MET: variants seen among roughly 807,000 people sequenced by gnomAD.
MET encodes the protein MET proto-oncogene, receptor tyrosine kinase, also known as hepatocyte growth factor receptor.
Under a neutral mutation model 133.1 loss-of-function variants are expected in MET, and 48 were observed. That is an observed-to-expected ratio of 0.36 (90% CI 0.29 to 0.46). The LOEUF (loss-of-function observed/expected upper bound fraction) is 0.46. Among genes scored for constraint, MET ranks in the 20% least tolerant of loss-of-function variants. MET has a pLI of 1.00. For missense variants in MET, 1,442 were observed against 1,695.9 expected, an observed-to-expected ratio of 0.85 and a Z score of 2.63; for synonymous variants, 628 against 616.5, an observed-to-expected ratio of 1.02 and a Z score of -0.28.
intron 19 of MET, among the ~76,000 whole-genome samples, chr7:116,785,390 G>A (rs1795281406): frequency 6.6e-6 from 1 of 152,190 alleles, no homozygotes; most frequent in South Asian, 2.1e-4. Flanking sequence ...ATCTTGCATG[G>A]CAGGAGCAGG....
At position 116,759,454 on chromosome 7, in the gene MET, C is replaced by A. The variant is rs1794311792; in HGVS notation, c.2328C>A (p.Val776=). The A allele has an allele frequency of 1.2e-6, 2 of 1,613,702 alleles. No individual in the cohort carries two copies. The highest frequency in any genetic ancestry group is 2.2e-5 in the South Asian group (2 of 91,008). Residue 776 remains valine (V), a synonymous_variant, in exon 10 of 21, where the codon GTC becomes GTA. Transcript: ENST00000397752. ...ATTCAGTTAGTGTCCCGAGAATGGT[C>A]ATAAATGTGCATGAAGCAGGAAGGA... ...NLNSVSVPRM[V]INVHEAGRNF... is the part of the protein sequence containing the mutation.
At chr7:116,746,478 C>T (rs998023570) in intron 5 of MET, among the ~76,000 whole-genome samples, 1 of 152,146 alleles carries the variant, frequency 6.6e-6, no homozygotes, top group Non-Finnish European at 1.5e-5. Context: ...GACACATGCA[C>T]ATGTATGTTT....
At chr7:116,782,724 C>G (rs1364874358) in intron 18 of MET, among the ~76,000 whole-genome samples, 1 of 152,216 alleles carries the variant, frequency 6.6e-6, no homozygotes, top group Non-Finnish European at 1.5e-5. Context: ...TAAAAGCCAG[C>G]TTAAACAGAG....
intron 2 of MET, among the ~76,000 whole-genome samples, chr7:116,708,836 T>G (rs1408515246): frequency 6.6e-6 from 1 of 152,252 alleles, no homozygotes; most frequent in African/African-American, 2.4e-5. Context: ...GAGGAGGGGA[T>G]TGTCCTTTTA....
Position 116,797,396 on chromosome 7 carries a change from G to A in MET, c.*1272G>A, listed in dbSNP as rs1795709794. 1 of 228,216 alleles carries A rather than the reference G, an allele frequency of 4.4e-6. No individual in the cohort carries two copies. The highest frequency in any genetic ancestry group is 1.8e-4 in the South Asian group (1 of 5,452). The allele number at this position is 228,216 out of a possible 1,614,324, so 14.1% of individuals were successfully genotyped here. A position where few individuals can be genotyped will look rare whatever the true frequency, so the allele number is the denominator to read the frequency against. On this transcript the variant is annotated 3_prime_UTR_variant, in exon 21 of 21. Transcript: ENST00000397752. ...AGCAATTGGAAACAAAACTTTTGGG[G>A]AGTTTTATTTTGCATTAGGGTGTGT...
intron 15 of MET, among the ~76,000 whole-genome samples, chr7:116,775,528 A>AC (rs1794966222): frequency 6.6e-6 from 1 of 151,836 alleles, no homozygotes; most frequent in African/African-American, 2.4e-5. Flanking sequence ...ACATGGCAAA[A>AC]CCCCGTCTCT....
chr7:116,746,115 C>T (rs1793671126), intron 5 of MET, among the ~76,000 whole-genome samples: 1 of 152,174 alleles, frequency 6.6e-6, no homozygotes. Flanking sequence ...AACAAGTAGG[C>T]AAAGGATATG....
chr7:116,719,547 G>C (rs1191329800), intron 2 of MET, among the ~76,000 whole-genome samples: 1 of 152,022 alleles, frequency 6.6e-6, no homozygotes, highest in African/African-American at 2.4e-5. Flanking sequence ...TGGTGTTTTG[G>C]ACATGAAGTC....
rs1160304097 is a variant in MET, at chr7:116,757,434, C to T, written c.1863-3C>T. ...TGTATTAAACTTTGGGTTTTTTTTC[C>T]AGATTGAAATGCACAGTTGGTCCTG... is the stretch of plus-strand genomic sequence containing the variant. On this transcript the variant is annotated splice_region_variant and splice_polypyrimidine_tract_variant and intron_variant, in intron 6 of 20. Coordinates refer to ENST00000397752, the MANE Select transcript of MET (RefSeq NM_000245.4). 3 of 1,612,078 alleles carry T rather than the reference C, an allele frequency of 1.9e-6. No individual in the cohort carries two copies. Among genetic ancestry groups the T allele is most frequent in the African/African-American group, 1.3e-5 (1 of 74,766 alleles).
chr7:116,754,674 A>G (rs1289453370), intron 5 of MET, among the ~76,000 whole-genome samples: 1 of 151,280 alleles, frequency 6.6e-6, no homozygotes, highest in African/African-American at 2.4e-5. Flanking sequence ...AAAAATAGCC[A>G]AGCATGGTGG....
chr7:116,718,428 ATAAAT>A (rs1004273183), intron 2 of MET, among the ~76,000 whole-genome samples: 5 of 152,038 alleles, frequency 3.3e-5, no homozygotes, highest in African/African-American at 1.2e-4. Flanking sequence ...AATAAATAAA[ATAAAT>A]AATAAAACAC....
intron 2 of MET, among the ~76,000 whole-genome samples, chr7:116,709,725 G>C (rs1791925523): frequency 6.6e-6 from 1 of 152,082 alleles, no homozygotes; most frequent in Non-Finnish European, 1.5e-5. Flanking sequence ...AGAATCTTGA[G>C]TGTAAAAAAC....
chr7:116,780,131 A>T (rs1476171184), intron 17 of MET, among the ~76,000 whole-genome samples: 1 of 152,212 alleles, frequency 6.6e-6, no homozygotes. Flanking sequence ...TTACAAAAAA[A>T]GGTTCTTAGC....
chr7:116,677,023 G>C (rs1201515303), intron 1 of MET, among the ~76,000 whole-genome samples: 1 of 149,214 alleles, frequency 6.7e-6, no homozygotes, highest in African/African-American at 2.5e-5. Context: ...GTTTTGTTTT[G>C]TTTTGTTTTG....
intron 8 of MET, chr7:116,757,978 AATCCTACTTTTC>A: frequency 1.6e-6 from 1 of 626,608 alleles, no homozygotes; most frequent in Non-Finnish European, 2.7e-6. Flanking sequence ...GTTTTTTAGC[AATCCTACTTTTC>A]AGTTTTGTCT....
intron 19 of MET, among the ~76,000 whole-genome samples, chr7:116,784,138 G>T (rs193015869): frequency 1.5e-4 from 23 of 152,326 alleles, no homozygotes; most frequent in African/African-American, 2.9e-4. Flanking sequence ...TGGCAGAAGA[G>T]CAGGAAAGTA....
intron 1 of MET, among the ~76,000 whole-genome samples, chr7:116,677,011 TTG>T (rs1223495569): frequency 1.7e-4 from 26 of 151,732 alleles, no homozygotes; most frequent in Non-Finnish European, 2.9e-4. Context: ...TTTTTTTGTT[TTG>T]TTTTGTTTTG....
intron 2 of MET, among the ~76,000 whole-genome samples, chr7:116,731,445 G>A (rs754011564): frequency 1.3e-5 from 2 of 152,184 alleles, no homozygotes; most frequent in East Asian, 1.9e-4. Context: ...TTGAACCATG[G>A]TGTGAATTGC....
chr7:116,698,988 G>A (rs1296336828), intron 1 of MET, 83 bp from the exon 2 acceptor site: 3 of 1,588,804 alleles, frequency 1.9e-6, no homozygotes, highest in Non-Finnish European at 8.6e-7. Flanking sequence ...CTTTATTTCT[G>A]ATAGATTAAA....
Sources: allele counts gnomAD v4.1 joint callset (sites outside exome capture counted in the v4.1 genomes callset), GRCh38; gene constraint gnomAD v4.1.1; transcripts MANE v1.5; gene names NCBI Gene and HGNC (gene_info 2026-07-23, HGNC 2026-07-21).